TRAPPC10: variants seen among roughly 807,000 people sequenced by gnomAD.
The protein encoded by TRAPPC10 is TRAPP 130 kDa subunit.
Under a neutral mutation model 125.5 loss-of-function variants are expected in TRAPPC10, and 23 were observed. The ratio of observed to expected loss-of-function variants is 0.18; its 90% CI spans 0.13 to 0.26. The LOEUF is 0.26. Ranked by LOEUF, TRAPPC10 falls within the 10% of genes least tolerant of loss-of-function variation. The pLI is 1.00. For missense variants in TRAPPC10, 1,123 were observed against 1,308.4 expected (o/e 0.86, Z 2.19); for synonymous variants, 509 against 518.0 (o/e 0.98, Z 0.24).
At chr21:44,076,720 T>C (rs2037310628) in intron 10 of TRAPPC10, 92 bp downstream of exon 10, 10 of 1,127,872 alleles carry the variant, frequency 8.9e-6, no homozygotes, top group Non-Finnish European at 1.3e-5. Context: ...AAGGAACTGG[T>C]GTGGGGGGCC....
chr21:44,089,603 G>A (rs967699345), intron 17 of TRAPPC10: 1 of 562,510 alleles, frequency 1.8e-6, no homozygotes, highest in African/African-American at 1.9e-5. Flanking sequence ...ATGTGTGCAT[G>A]TCTTGCCAGT....
intron 1 of TRAPPC10, among the ~76,000 whole-genome samples, chr21:44,026,258 G>A (rs1325119161): frequency 6.6e-6 from 1 of 152,074 alleles, no homozygotes; most frequent in Non-Finnish European, 1.5e-5. Context: ...TACTCTGGCA[G>A]GAGCACCGGG....
At chr21:44,062,142 G>GT (rs1218929555) in intron 6 of TRAPPC10, among the ~76,000 whole-genome samples, 3 of 152,174 alleles carry the variant, frequency 2.0e-5, no homozygotes, top group African/African-American at 2.4e-5. Context: ...AATTTATTTG[G>GT]TTTTTTCTCT....
Position 44,070,850 on chromosome 21 carries a change from G to A in TRAPPC10, c.1039-3474G>A, listed in dbSNP as rs560703705. 7.9e-5 allele frequency among the ~76,000 whole-genome samples: 12 copies of A among 152,344 alleles called. No individual in the cohort carries two copies. In the South Asian group the frequency reaches 2.5e-3, roughly 32 times the overall value. Reference sequence around the variant, plus strand: ...TGGGAGAAGAGTGCTGGCACTGCCTGTGTTCTGCTGTGAGTAGCCTGGCGC... The same window carrying A: ...TGGGAGAAGAGTGCTGGCACTGCCTATGTTCTGCTGTGAGTAGCCTGGCGC... On this transcript the variant is annotated intron_variant, in intron 7 of 22. Coordinates refer to ENST00000291574, the MANE Select transcript of TRAPPC10 (RefSeq NM_003274.5).
chr21:44,018,559 C>G (rs1000433692), intron 1 of TRAPPC10, among the ~76,000 whole-genome samples: 3 of 151,902 alleles, frequency 2.0e-5, no homozygotes, highest in Non-Finnish European at 4.4e-5. Context: ...ATTAGCTGGG[C>G]GTGGTGGCTC....
intron 5 of TRAPPC10, among the ~76,000 whole-genome samples, chr21:44,057,136 CAGAA>C (rs753546301): frequency 6.6e-6 from 1 of 151,930 alleles, no homozygotes; most frequent in Admixed American, 6.6e-5. Flanking sequence ...GGTTCAGAGA[CAGAA>C]GGTGGAATGG....
At chr21:44,078,436 T>A in intron 11 of TRAPPC10, among the ~76,000 whole-genome samples, 1 of 135,758 alleles carries the variant, frequency 7.4e-6, no homozygotes. Flanking sequence ...TTGTTTTCAT[T>A]TTCTAAAAAA....
intron 3 of TRAPPC10, chr21:44,046,972 G>A (rs893443767): frequency 6.0e-5 from 50 of 830,366 alleles, no homozygotes; most frequent in Admixed American, 4.1e-4. Context: ...ACTGCAAGCC[G>A]GCTCTGCGAG....
rs1601814003 is a variant in TRAPPC10, at chr21:44,087,278, G to A, written c.2539+318G>A. Among the ~76,000 whole-genome samples the A allele has an allele frequency of 6.6e-6, 1 of 152,126 alleles. No homozygotes were observed. The highest frequency in any genetic ancestry group is 1.5e-5 in the Non-Finnish European group (1 of 68,016). Reference sequence around the variant, plus strand: ...TCCCCCTTGGGCTGGCCCTGCTCCCGAGAAGCAAAAGCAGAGCAGCCCTTG... The same window carrying A: ...TCCCCCTTGGGCTGGCCCTGCTCCCAAGAAGCAAAAGCAGAGCAGCCCTTG... On this transcript the variant is annotated intron_variant, in intron 16 of 22. Transcript: ENST00000291574. This position sits in a 1 kb window ranked among gnomAD's most constrained non-coding sequence, Gnocchi z 4.6.
chr21:44,023,393 G>T (rs2147186161), intron 1 of TRAPPC10, among the ~76,000 whole-genome samples: 1 of 152,176 alleles, frequency 6.6e-6, no homozygotes, highest in Non-Finnish European at 1.5e-5. Flanking sequence ...TGATCGGTTG[G>T]CGTGTTTTTG....
At chr21:44,083,780 T>C (rs2037926983) in intron 14 of TRAPPC10, among the ~76,000 whole-genome samples, 1 of 152,266 alleles carries the variant, frequency 6.6e-6, no homozygotes, top group Admixed American at 6.5e-5. Context: ...GGATTTGGCC[T>C]GTGGAAAGTA....
At chr21:44,055,971 T>A in intron 5 of TRAPPC10, 78 bp downstream of exon 5, 1 of 1,278,150 alleles carries the variant, frequency 7.8e-7, no homozygotes, top group Non-Finnish European at 1.1e-6. Context: ...CTCCTTTCTT[T>A]CTAAGTAAGG....
intron 8 of TRAPPC10, among the ~76,000 whole-genome samples, 198 bp downstream of exon 8, chr21:44,074,668 C>T (rs1272866866): frequency 6.6e-6 from 1 of 152,228 alleles, no homozygotes; most frequent in Non-Finnish European, 1.5e-5. Flanking sequence ...CAGCAGACAG[C>T]AAGCACTTGC....
At chr21:44,038,258 C>T (rs912660156) in intron 3 of TRAPPC10, among the ~76,000 whole-genome samples, 6 of 152,126 alleles carry the variant, frequency 3.9e-5, no homozygotes, top group East Asian at 1.9e-4. Context: ...CTCACCGTGG[C>T]GCCGAGCGTG....
At chr21:44,085,353 C>T (rs139830729) in intron 15 of TRAPPC10, among the ~76,000 whole-genome samples, 26 of 152,218 alleles carry the variant, frequency 1.7e-4, no homozygotes, top group African/African-American at 5.1e-4. Context: ...ATGTCTACCA[C>T]AGGGTTTCAT....
At chr21:44,030,240 CGA>C (rs1317883160) in intron 1 of TRAPPC10, among the ~76,000 whole-genome samples, 1 of 145,700 alleles carries the variant, frequency 6.9e-6, no homozygotes, top group Admixed American at 6.8e-5. Context: ...AGAGAGAGAG[CGA>C]GAGAGTGTGT....
Position 44,093,422 on chromosome 21 carries a change from C to T in TRAPPC10, c.2998-641C>T, listed in dbSNP as rs2038717234. On this transcript the variant is annotated intron_variant, in intron 19 of 22. Transcript: ENST00000291574. ...TGAGCTGTGATCACACCACAGCACT[C>T]CAGCCTGGGTGACAGAGTGAGACCC... Among the ~76,000 whole-genome samples, 3 of 151,372 alleles carry T rather than the reference C, an allele frequency of 2.0e-5. No homozygotes were observed. The South Asian group carries it at 6.2e-4, about 31-fold the overall frequency.
intron 1 of TRAPPC10, among the ~76,000 whole-genome samples, chr21:44,030,497 C>T (rs777799029): frequency 2.0e-5 from 3 of 150,780 alleles, no homozygotes; most frequent in Non-Finnish European, 4.4e-5. Context: ...GATGGAGTTT[C>T]GCTCTTGTTG....
intron 7 of TRAPPC10, among the ~76,000 whole-genome samples, chr21:44,073,983 T>TAAA (rs3216367): frequency 6.6e-6 from 1 of 151,524 alleles, no homozygotes; most frequent in East Asian, 1.9e-4. Flanking sequence ...TTCCTTTTTT[T>TAAA]AAAAAAAAAT....
Sources: gnomAD v4.1 joint callset for allele counts (sites outside exome capture counted in the v4.1 genomes callset) on GRCh38, gnomAD v4.1.1 for gene constraint, Gnocchi (gnomAD v3.1) non-coding constraint, MANE v1.5 for transcripts, NCBI Gene and HGNC (gene_info 2026-07-23, HGNC 2026-07-21) for gene names.